The following NR5A2 variants were observed in gnomAD, a reference collection of about 807,000 sequenced individuals.
NR5A2 encodes CYP7A promoter-binding factor.
Under a neutral mutation model 62.7 loss-of-function variants are expected in NR5A2, and 26 were observed. The observed-to-expected ratio is 0.41, with a 90% CI of 0.30 to 0.58. The LOEUF is 0.58. Among genes scored for constraint, NR5A2 ranks in the 20% least tolerant of loss-of-function variants. The pLI is 0.22. For missense variants in NR5A2, 541 were observed against 669.1 expected (o/e 0.81, Z 2.11); for synonymous variants, 246 against 241.7 (o/e 1.02, Z -0.16).
chr1:200,082,031 C>A (rs1389018394), intron 5 of NR5A2, among the ~76,000 whole-genome samples: 1 of 152,084 alleles, frequency 6.6e-6, no homozygotes, highest in Non-Finnish European at 1.5e-5. Context: ...CTGGTTGCAT[C>A]TATTTCTGGT....
chr1:200,099,655 G>A (rs758484376), intron 5 of NR5A2, among the ~76,000 whole-genome samples: 10 of 152,012 alleles, frequency 6.6e-5, no homozygotes, highest in Non-Finnish European at 8.8e-5. Context: ...GTGCAGTGGC[G>A]CTATCTCAGC....
At chr1:200,090,136 A>G (rs1216275774) in intron 5 of NR5A2, among the ~76,000 whole-genome samples, 8 of 151,864 alleles carry the variant, frequency 5.3e-5, no homozygotes, top group African/African-American at 1.9e-4. Flanking sequence ...ACTCTTTCCA[A>G]CCTCTTTCTT....
chr1:200,032,119 G>T, intron 1 of NR5A2, among the ~76,000 whole-genome samples: 1 of 152,216 alleles, frequency 6.6e-6, no homozygotes. Flanking sequence ...ACTTCACTCC[G>T]CAGCTCTAGA....
chr1:200,116,652 G>A (rs139069188), intron 6 of NR5A2, among the ~76,000 whole-genome samples: 8 of 152,246 alleles, frequency 5.3e-5, no homozygotes, highest in African/African-American at 9.6e-5. Context: ...TTTTAATTGC[G>A]TCTTTGAATC....
intron 7 of NR5A2, among the ~76,000 whole-genome samples, chr1:200,142,421 C>G (rs1667486208): frequency 6.6e-6 from 1 of 151,936 alleles, no homozygotes; most frequent in South Asian, 2.1e-4. Flanking sequence ...TGGTCTCGAA[C>G]TCCTGACCTC....
intron 7 of NR5A2, among the ~76,000 whole-genome samples, chr1:200,151,110 T>C (rs1386209194): frequency 6.6e-6 from 1 of 152,210 alleles, no homozygotes; most frequent in Non-Finnish European, 1.5e-5. Flanking sequence ...AATGGTCTCC[T>C]TGACTGCAAA....
Position 200,102,033 on chromosome 1 carries a change from T to C in NR5A2, c.1111-9169T>C, listed in dbSNP as rs77639624. On this transcript the variant is annotated intron_variant, in intron 5 of 7. Coordinates refer to ENST00000367362, the MANE Select transcript of NR5A2 (RefSeq NM_205860.3). Reference sequence around the variant, plus strand: ...AAACCTCAAAGATGTCACTCACTTATGTAATTACCTCACAGTTATATAAAT... The same window carrying C: ...AAACCTCAAAGATGTCACTCACTTACGTAATTACCTCACAGTTATATAAAT... Among the ~76,000 whole-genome samples the C allele has an allele frequency of 8.0e-3, 1,224 of 152,330 alleles. 18 individuals carry two copies. Among genetic ancestry groups the C allele is most frequent in the African/African-American group, 0.027 (1,123 of 41,568 alleles).
At chr1:200,062,419 TC>T (rs1321487770) in intron 5 of NR5A2, among the ~76,000 whole-genome samples, 1 of 152,234 alleles carries the variant, frequency 6.6e-6, no homozygotes, top group Admixed American at 6.5e-5. Flanking sequence ...ACACATCTTA[TC>T]AGCACAGTTG....
chr1:200,052,733 T>C (rs562177362), intron 5 of NR5A2, among the ~76,000 whole-genome samples: 41 of 152,086 alleles, frequency 2.7e-4, no homozygotes, highest in South Asian at 1.5e-3. Flanking sequence ...GCTCCGCCTC[T>C]TGGGTTCACG....
chr1:200,167,632 G>C (rs58189931), intron 7 of NR5A2, among the ~76,000 whole-genome samples: 9,447 of 152,140 alleles, frequency 0.062, 327 homozygotes, highest in African/African-American at 0.086. Flanking sequence ...TTTCTGCCTT[G>C]CTTTTGGAAC....
In NR5A2 at chr1:200,027,824, G is replaced by C. The variant is rs1163431218; in HGVS notation, c.-24G>C. On this transcript the variant is annotated 5_prime_UTR_variant, in exon 1 of 8. Transcript: ENST00000367362. ...TCAATGATTTCTGCTTTAAGCCAAAGAACTGCCTATAATTTCACTAAGAAT... is the reference window on the plus strand; with the variant it reads ...TCAATGATTTCTGCTTTAAGCCAAACAACTGCCTATAATTTCACTAAGAAT... 1 of 1,567,892 alleles carries C rather than the reference G, an allele frequency of 6.4e-7. No homozygotes were observed. Among genetic ancestry groups the C allele is most frequent in the Non-Finnish European group, 8.7e-7 (1 of 1,152,992 alleles).
chr1:200,048,374 C>T lies in NR5A2; in HGVS notation c.666C>T (p.Gly222=). The T allele has an allele frequency of 5.6e-6, 9 of 1,614,212 alleles. No homozygotes were observed. The highest frequency in any genetic ancestry group is 7.6e-6 in the Non-Finnish European group (9 of 1,180,036). The part of the protein sequence containing the change: ...AIQNIHSASK[G]LPLNHAALPP... Reference sequence around the variant, plus strand: ...AAAACATCCACTCTGCCTCCAAAGGCCTACCTCTGAACCATGCTGCCTTGC... The same window carrying T: ...AAAACATCCACTCTGCCTCCAAAGGTCTACCTCTGAACCATGCTGCCTTGC... Residue 222 remains glycine, a synonymous_variant, in exon 5 of 8, where the codon GGC becomes GGT. Transcript: ENST00000367362. This position sits in a 1 kb window ranked among gnomAD's most constrained non-coding sequence, Gnocchi z 4.8.
chr1:200,069,874 T>C (rs1162318651), intron 5 of NR5A2, among the ~76,000 whole-genome samples: 2 of 113,036 alleles, frequency 1.8e-5, no homozygotes, highest in Non-Finnish European at 3.8e-5. Flanking sequence ...TGTCTCAATA[T>C]TACACGTGTC....
intron 5 of NR5A2, among the ~76,000 whole-genome samples, chr1:200,089,433 A>G (rs1227136911): frequency 2.0e-5 from 3 of 151,982 alleles, no homozygotes; most frequent in Non-Finnish European, 4.4e-5. Context: ...CTGGGATTAC[A>G]AGCATGAGCC....
At chr1:200,121,831 T>C (rs1228333713) in intron 7 of NR5A2, among the ~76,000 whole-genome samples, 6 of 152,220 alleles carry the variant, frequency 3.9e-5, no homozygotes, top group Non-Finnish European at 2.9e-5. Flanking sequence ...TCTTCAGTTA[T>C]AAGATAGTTG....
chr1:200,058,680 C>T (rs1248115256), intron 5 of NR5A2, among the ~76,000 whole-genome samples: 5 of 149,792 alleles, frequency 3.3e-5, no homozygotes, highest in South Asian at 4.3e-4. Flanking sequence ...GGTTTCACCA[C>T]GTTGGCCAGG....
chr1:200,070,974 G>A (rs1463581402), intron 5 of NR5A2, among the ~76,000 whole-genome samples: 11 of 152,146 alleles, frequency 7.2e-5, no homozygotes, highest in Admixed American at 5.2e-4. Context: ...ATAAGAGAGA[G>A]TAAAAATGAA....
intron 7 of NR5A2, among the ~76,000 whole-genome samples, chr1:200,162,093 C>T (rs1053638370): frequency 6.6e-6 from 1 of 152,286 alleles, no homozygotes; most frequent in South Asian, 2.1e-4. Context: ...TGAAACAAAA[C>T]GGATTCTCTT....
At chr1:200,157,113 A>G (rs1653424323) in intron 7 of NR5A2, among the ~76,000 whole-genome samples, 1 of 152,240 alleles carries the variant, frequency 6.6e-6, no homozygotes, top group South Asian at 2.1e-4. Flanking sequence ...AAGATGAAAC[A>G]GATGATACTT....
Sources: allele counts gnomAD v4.1 joint callset (sites outside exome capture counted in the v4.1 genomes callset), GRCh38; gene constraint gnomAD v4.1.1; non-coding constraint Gnocchi (gnomAD v3.1); transcripts MANE v1.5; gene names NCBI Gene and HGNC (gene_info 2026-07-23, HGNC 2026-07-21).